The following ABI3BP variants were observed in gnomAD, a reference collection of about 807,000 sequenced individuals.
ABI3BP encodes the protein ABI family member 3 binding protein, also known as target of Nesh-SH3.
Under a neutral mutation model 268.6 loss-of-function variants are expected in ABI3BP, and 216 were observed. The ratio of observed to expected loss-of-function variants is 0.80; its 90% CI spans 0.72 to 0.90. ABI3BP has a LOEUF of 0.90. ABI3BP is among the 40% of genes least tolerant of loss of function. ABI3BP has a pLI of 0.00. For synonymous variants in ABI3BP, 730 were observed against 730.0 expected, an observed-to-expected ratio of 1.00 and a Z score of 0.00; for missense variants, 2,090 against 2,182.4, an observed-to-expected ratio of 0.96 and a Z score of 0.84.
chr3:100,963,939 T>C (rs1174588924), intron 1 of ABI3BP, among the ~76,000 whole-genome samples: 1 of 152,250 alleles, frequency 6.6e-6, no homozygotes, highest in Non-Finnish European at 1.5e-5. Context: ...AGGCTAGAGA[T>C]GGTTTCTCTG....
intron 2 of ABI3BP, among the ~76,000 whole-genome samples, chr3:100,916,375 G>A (rs2058620174): frequency 6.6e-6 from 1 of 152,162 alleles, no homozygotes; most frequent in South Asian, 2.1e-4. Context: ...GGAGTGGGGA[G>A]TCAGGAATAA....
At chr3:100,930,576 GCA>G (rs1295883607) in intron 1 of ABI3BP, 2 of 152,044 alleles carry the variant, frequency 1.3e-5, no homozygotes, top group African/African-American at 4.8e-5. Flanking sequence ...ATACCTCTAT[GCA>G]CACAAACTAG....
intron 1 of ABI3BP, among the ~76,000 whole-genome samples, chr3:100,982,411 A>G (rs2089982103): frequency 6.6e-6 from 1 of 152,110 alleles, no homozygotes; most frequent in Non-Finnish European, 1.5e-5. Context: ...AATGAAAGCT[A>G]AAGAGGACTG....
chr3:100,751,510 T>C (rs944340829), intron 67 of ABI3BP, 42 bp downstream of exon 67: 3 of 1,487,912 alleles, frequency 2.0e-6, no homozygotes, highest in African/African-American at 2.8e-5. Flanking sequence ...TCTGAGTTAA[T>C]CTGTAAAACT....
intron 1 of ABI3BP, among the ~76,000 whole-genome samples, chr3:100,940,823 T>TAC (rs2068766309): frequency 1.1e-5 from 1 of 90,942 alleles, no homozygotes; most frequent in Non-Finnish European, 2.2e-5. Flanking sequence ...TATATATATA[T>TAC]ATATATATGA....
In ABI3BP at chr3:100,816,675, T is replaced by G. The variant is rs925147499; in HGVS notation, c.3229+13A>C. The stretch of plus-strand genomic sequence containing the variant: ...GTTCCTTGGCTACTTAAGCCAAGGA[T>G]TCATACATTTACCCGATTTGTTCTG... On this transcript the variant is annotated intron_variant, in intron 43 of 67. Transcript: ENST00000471714. The G allele has an allele frequency of 1.2e-5, 19 of 1,534,462 alleles. No individual in the cohort carries two copies. In the Middle Eastern group the frequency reaches 5.0e-4, roughly 40 times the overall value.
chr3:100,991,869 C>A (rs13064121), intron 1 of ABI3BP, among the ~76,000 whole-genome samples: 25,957 of 151,736 alleles, frequency 0.17, 2,477 homozygotes, highest in East Asian at 0.44. Context: ...CTGGGATTGT[C>A]CAGAAGTTTG....
intron 40 of ABI3BP, among the ~76,000 whole-genome samples, chr3:100,819,812 G>T (rs1203928455): frequency 2.6e-5 from 4 of 151,920 alleles, no homozygotes; most frequent in African/African-American, 9.7e-5. Flanking sequence ...AGCTGGGTGT[G>T]GTGGCACGCG....
At chr3:100,784,443 G>T (rs893489347) in intron 57 of ABI3BP, among the ~76,000 whole-genome samples, 14 of 152,156 alleles carry the variant, frequency 9.2e-5, no homozygotes, top group African/African-American at 3.4e-4. Context: ...ATGTAAATTA[G>T]TACAACCTCT....
chr3:100,993,194 CA>C (rs1270695049), intron 1 of ABI3BP, 111 bp downstream of exon 1: 1 of 737,236 alleles, frequency 1.4e-6, no homozygotes, highest in African/African-American at 1.8e-5. Context: ...TGAATCTCTG[CA>C]GAATAACTCT....
At chr3:100,867,038 T>TA (rs2099057393) in intron 9 of ABI3BP, 82 bp from the exon 10 acceptor site, 1 of 1,035,106 alleles carries the variant, frequency 9.7e-7, no homozygotes, top group Admixed American at 2.0e-5. Context: ...AGTAGCAGAC[T>TA]AAAAATCTAA....
chr3:100,840,716 C>A, intron 22 of ABI3BP, 104 bp downstream of exon 22: 1 of 1,045,060 alleles, frequency 9.6e-7, no homozygotes, highest in Non-Finnish European at 1.4e-6. Flanking sequence ...CACACACACA[C>A]AAAGGGACAT....
chr3:100,991,101 G>T (rs1379719416), intron 1 of ABI3BP, among the ~76,000 whole-genome samples: 1 of 152,002 alleles, frequency 6.6e-6, no homozygotes, highest in Non-Finnish European at 1.5e-5. Flanking sequence ...ATTCAAGTAT[G>T]CTCTCTATAA....
In ABI3BP at chr3:100,749,748, C is replaced by T. The variant is rs1362555185; in HGVS notation, c.*747G>A. 7 of 398,176 alleles carry T rather than the reference C, an allele frequency of 1.8e-5. No individual in the cohort carries two copies. Among genetic ancestry groups the T allele is most frequent in the Non-Finnish European group, 3.1e-5 (7 of 225,748 alleles). 24.7% of individuals were successfully genotyped at this position (398,176 alleles called of 1,614,324 possible). On this transcript the variant is annotated 3_prime_UTR_variant, in exon 68 of 68. Transcript: ENST00000471714. ...CATAAAAACAATATGAAGACGATTG[C>T]ATAAAGGGATAGTTTGACAAAGCAT... is the stretch of plus-strand genomic sequence containing the variant.
intron 6 of ABI3BP, among the ~76,000 whole-genome samples, chr3:100,881,710 CT>C (rs1381762340): frequency 6.6e-6 from 1 of 150,988 alleles, no homozygotes; most frequent in Non-Finnish European, 1.5e-5. Flanking sequence ...ATAAATGTAT[CT>C]TTTTCTTCCT....
chr3:100,758,846 G>C lies in ABI3BP; in HGVS notation c.4851-4155C>G, dbSNP rs556690054. ...TGACCTGTGGCTCATGAGCAAAACT[G>C]TTAAGAGACAAGAACCTCCAACCTG... is the stretch of plus-strand genomic sequence containing the variant. On this transcript the variant is annotated intron_variant, in intron 63 of 67. Coordinates refer to ENST00000471714, the MANE Select transcript of ABI3BP (RefSeq NM_001375547.2). Among the ~76,000 whole-genome samples, 5 of 152,292 alleles carry C rather than the reference G, an allele frequency of 3.3e-5. No homozygotes were observed. The East Asian group carries it at 9.7e-4, about 29-fold the overall frequency.
At chr3:100,821,171 A>C in intron 38 of ABI3BP, 58 bp from the exon 39 acceptor site, 1 of 1,434,688 alleles carries the variant, frequency 7.0e-7, no homozygotes, top group Non-Finnish European at 9.5e-7. Flanking sequence ...TAAACTCAAA[A>C]CTTTTCTTCA....
chr3:100,756,037 T>G (rs1156842169), intron 63 of ABI3BP, among the ~76,000 whole-genome samples: 3 of 152,236 alleles, frequency 2.0e-5, no homozygotes, highest in Non-Finnish European at 4.4e-5. Context: ...TGCTAGTATC[T>G]AAGAACAGAT....
rs1559735919 is a variant in ABI3BP, at chr3:100,749,196, T to TTAA, written c.*1296_*1298dup. 1 of 160,784 alleles carries TTAA rather than the reference T, an allele frequency of 6.2e-6. No individual in the cohort carries two copies. Among genetic ancestry groups the TTAA allele is most frequent in the Non-Finnish European group, 1.3e-5 (1 of 74,192 alleles). The allele number at this position is 160,784 out of a possible 1,614,324, so 10.0% of individuals were successfully genotyped here. On this transcript the variant is annotated 3_prime_UTR_variant, in exon 68 of 68. Transcript: ENST00000471714. ...CTTTATTACTTCATAGGATGAAAGG[T>TTAA]TAATTTAGGACATAAACAAACAGTA...
Sources: gnomAD v4.1 joint callset for allele counts (sites outside exome capture counted in the v4.1 genomes callset) on GRCh38, gnomAD v4.1.1 for gene constraint, MANE v1.5 for transcripts, NCBI Gene and HGNC (gene_info 2026-07-23, HGNC 2026-07-21) for gene names.